Variants in COMMD7 observed in about 807,000 individuals in gnomAD.
COMMD7 encodes the protein COMM domain-containing protein 7.
In COMMD7, 28 loss-of-function variants were observed where a neutral mutation model predicts 34.8. That is an observed-to-expected ratio of 0.80 (90% CI 0.60 to 1.10). The LOEUF (loss-of-function observed/expected upper bound fraction) is 1.10, where lower values mean the gene tolerates loss of function less well. Among genes scored for constraint, COMMD7 ranks in the 50% least tolerant of loss-of-function variants. The pLI, the probability that COMMD7 is intolerant of heterozygous loss-of-function variation, is 0.00. For missense variants in COMMD7, 211 were observed against 241.6 expected, an observed-to-expected ratio of 0.87 and a Z score of 0.84; for synonymous variants, 80 against 86.4, an observed-to-expected ratio of 0.93 and a Z score of 0.41.
chr20:32,711,046 C>T (rs1224700058), intron 3 of COMMD7, among the ~76,000 whole-genome samples: 1 of 152,212 alleles, frequency 6.6e-6, no homozygotes, highest in Non-Finnish European at 1.5e-5. Flanking sequence ...GGCACCACTT[C>T]ACTCCAGCCT....
In COMMD7 at chr20:32,728,171, T is replaced by C. The variant is rs745420835; in HGVS notation, c.85-29A>G. ...TGAAGAAAACAACACAGAACATCAG[T>C]ACAATTTCTACTACTGGGTCAGCAT... is the stretch of plus-strand genomic sequence containing the variant. On this transcript the variant is annotated intron_variant, in intron 1 of 8. Coordinates refer to ENST00000278980, the MANE Select transcript of COMMD7 (RefSeq NM_053041.3). The C allele has an allele frequency of 2.5e-6, 4 of 1,611,502 alleles. No homozygotes were observed. The South Asian group carries it at 4.4e-5, about 18-fold the overall frequency.
At chr20:32,740,711 G>A in intron 1 of COMMD7, among the ~76,000 whole-genome samples, 1 of 151,190 alleles carries the variant, frequency 6.6e-6, no homozygotes, top group East Asian at 1.9e-4. Flanking sequence ...GGTGGCGCGT[G>A]CCTATAGTCC....
chr20:32,731,444 T>C (rs540898665), intron 1 of COMMD7, among the ~76,000 whole-genome samples: 2 of 152,294 alleles, frequency 1.3e-5, no homozygotes, highest in Admixed American at 1.3e-4. Context: ...TGCAGCAAAC[T>C]ATGATTGCGC....
chr20:32,722,866 C>CA (rs1985256390), intron 3 of COMMD7, among the ~76,000 whole-genome samples: 1 of 148,640 alleles, frequency 6.7e-6, no homozygotes, highest in Non-Finnish European at 1.5e-5. Context: ...CTAAAAAATA[C>CA]AAAAAATTAG....
At chr20:32,722,496 G>A (rs1035034667) in intron 3 of COMMD7, among the ~76,000 whole-genome samples, 4 of 151,998 alleles carry the variant, frequency 2.6e-5, no homozygotes, top group Admixed American at 6.6e-5. Context: ...AGGCGTGGCC[G>A]GCAGATCACC....
intron 3 of COMMD7, among the ~76,000 whole-genome samples, chr20:32,721,291 T>C (rs956971932): frequency 1.6e-4 from 24 of 151,856 alleles, no homozygotes; most frequent in African/African-American, 5.3e-4. Context: ...CTGGGCAACA[T>C]AGGAAGATCC....
At position 32,740,184 on chromosome 20, in the gene COMMD7, G is replaced by A. The variant is rs189385737; in HGVS notation, c.84+3124C>T. Among the ~76,000 whole-genome samples, 709 of 141,870 alleles carry A rather than the reference G, an allele frequency of 5.0e-3. 113 individuals are homozygous for A. Among genetic ancestry groups the A allele is most frequent in the African/African-American group, 0.018 (688 of 37,646 alleles). 93.1% of individuals were successfully genotyped at this position (141,870 alleles called of 152,430 possible). On this transcript the variant is annotated intron_variant, in intron 1 of 8. Transcript: ENST00000278980. ...TATAAAAAATCAGCCGGGCATGGTC[G>A]CAGGCAGCTGTAGTCCCAGCTACTT...
At chr20:32,725,897 T>C (rs1985478532) in intron 3 of COMMD7, among the ~76,000 whole-genome samples, 1 of 149,822 alleles carries the variant, frequency 6.7e-6, no homozygotes, top group African/African-American at 2.5e-5. Context: ...CAAATAATAA[T>C]AATAATAATA....
intron 3 of COMMD7, among the ~76,000 whole-genome samples, chr20:32,716,078 A>C (rs970132695): frequency 1.3e-5 from 2 of 152,154 alleles, no homozygotes; most frequent in African/African-American, 4.8e-5. Flanking sequence ...CTGGTGAGTA[A>C]GCAAGCACAG....
At chr20:32,733,442 G>A (rs1411409342) in intron 1 of COMMD7, among the ~76,000 whole-genome samples, 3 of 150,162 alleles carry the variant, frequency 2.0e-5, no homozygotes, top group Non-Finnish European at 4.4e-5. Context: ...AAAATGGCCT[G>A]GAGCGGTGGC....
At chr20:32,705,747 CAGG>C (rs1312477827) in intron 5 of COMMD7, among the ~76,000 whole-genome samples, 2 of 152,130 alleles carry the variant, frequency 1.3e-5, no homozygotes, top group East Asian at 3.8e-4. Context: ...TGGGTCAAAT[CAGG>C]AGAAATGATT....
intron 5 of COMMD7, 21 bp from the exon 6 acceptor site, chr20:32,704,925 A>C (rs1036573780): frequency 1.3e-6 from 2 of 1,565,140 alleles, no homozygotes; most frequent in African/African-American, 2.7e-5. Flanking sequence ...AGCAAAAGAC[A>C]AAGTCAATTA....
intron 3 of COMMD7, among the ~76,000 whole-genome samples, chr20:32,719,660 A>G (rs1391535431): frequency 1.3e-5 from 2 of 151,844 alleles, no homozygotes; most frequent in Non-Finnish European, 2.9e-5. Context: ...AAAAAAAAAT[A>G]TAATAAAATA....
intron 3 of COMMD7, among the ~76,000 whole-genome samples, chr20:32,727,205 C>T (rs1348911560): frequency 1.3e-5 from 2 of 148,486 alleles, no homozygotes; most frequent in Non-Finnish European, 3.0e-5. Flanking sequence ...CCAGCTTGGG[C>T]AACAGAGCAA....
intron 3 of COMMD7, among the ~76,000 whole-genome samples, chr20:32,720,387 C>G (rs150144181): frequency 1.3e-5 from 2 of 151,460 alleles, no homozygotes; most frequent in South Asian, 4.2e-4. Flanking sequence ...CCCAGCTACT[C>G]GGGAGGCTGA....
At chr20:32,741,523 C>A (rs759487893) in intron 1 of COMMD7, among the ~76,000 whole-genome samples, 1 of 151,766 alleles carries the variant, frequency 6.6e-6, no homozygotes, top group South Asian at 2.1e-4. Context: ...CCAGAGTAGC[C>A]GGGACTACAA....
At chr20:32,722,490 G>C (rs774885294) in intron 3 of COMMD7, among the ~76,000 whole-genome samples, 1 of 152,006 alleles carries the variant, frequency 6.6e-6, no homozygotes, top group Non-Finnish European at 1.5e-5. Flanking sequence ...TGTGGGAGGC[G>C]TGGCCGGCAG....
intron 1 of COMMD7, among the ~76,000 whole-genome samples, chr20:32,733,232 T>C (rs1300062690): frequency 6.6e-6 from 1 of 151,368 alleles, no homozygotes; most frequent in Non-Finnish European, 1.5e-5. Flanking sequence ...AAGAATGCAG[T>C]AGATCTATTT....
intron 3 of COMMD7, among the ~76,000 whole-genome samples, chr20:32,726,062 CA>C (rs34689858): frequency 0.48 from 34,230 of 71,438 alleles, 5,259 homozygotes; most frequent in Middle Eastern, 0.54. Flanking sequence ...AAGCCTGTCT[CA>C]AAAAAAAAAA....
Sources: gnomAD v4.1 joint callset for allele counts (sites outside exome capture counted in the v4.1 genomes callset) on GRCh38, gnomAD v4.1.1 for gene constraint, MANE v1.5 for transcripts, NCBI Gene and HGNC (gene_info 2026-07-23, HGNC 2026-07-21) for gene names.